The following MORF4L1 variants were observed in gnomAD, a reference collection of about 807,000 sequenced individuals.
The protein encoded by MORF4L1 is mortality factor 4 like 1, also known as mortality factor 4-like protein 1.
A neutral mutation model predicts 52.9 loss-of-function variants in MORF4L1; 4 were observed. The observed-to-expected ratio is 0.08, with a 90% CI of 0.04 to 0.17. The LOEUF (loss-of-function observed/expected upper bound fraction) is 0.17. MORF4L1 is among the 10% of genes least tolerant of loss of function. MORF4L1 has a pLI of 1.00. For synonymous variants in MORF4L1, 123 were observed against 134.8 expected, an observed-to-expected ratio of 0.91 and a Z score of 0.61; for missense variants, 214 against 390.4, an observed-to-expected ratio of 0.55 and a Z score of 3.81.
chr15:78,880,667 T>C (rs1596241692), intron 3 of MORF4L1, 88 bp downstream of exon 3: 1 of 943,696 alleles, frequency 1.1e-6, no homozygotes, highest in East Asian at 2.6e-5. Context: ...TTTTCAATTC[T>C]GCAGTTTTAA....
chr15:78,894,037 A>G, intron 9 of MORF4L1, 21 bp from the exon 10 acceptor site: 1 of 1,598,922 alleles, frequency 6.3e-7, no homozygotes, highest in Non-Finnish European at 8.5e-7. Context: ...CAGTTTTGGA[A>G]TATTTTTGTT....
intron 8 of MORF4L1, among the ~76,000 whole-genome samples, chr15:78,893,175 A>AG (rs1403189263): frequency 6.6e-6 from 1 of 152,258 alleles, no homozygotes; most frequent in African/African-American, 2.4e-5. Flanking sequence ...ATGACTTGGT[A>AG]GTACCACAAA....
chr15:78,896,354 C>G (rs978802481), intron 11 of MORF4L1, among the ~76,000 whole-genome samples: 6 of 127,000 alleles, frequency 4.7e-5, no homozygotes, highest in African/African-American at 1.8e-4. Context: ...CACGCTTGTC[C>G]ATGCTGGAGT....
chr15:78,873,244 G>T, intron 1 of MORF4L1, 187 bp downstream of exon 1: 6 of 1,506,120 alleles, frequency 4.0e-6, no homozygotes, highest in Non-Finnish European at 5.3e-6. Flanking sequence ...AAAGCGCTTT[G>T]TGAAGCGAGA....
At chr15:78,887,216 T>G (rs775418700) in intron 4 of MORF4L1, 53 bp from the exon 5 acceptor site, 75 of 1,486,066 alleles carry the variant, frequency 5.0e-5, no homozygotes, top group Admixed American at 1.3e-4. Context: ...TGACAATTTT[T>G]TTTTCACATA....
chr15:78,875,933 TG>T (rs2056479597), intron 1 of MORF4L1, among the ~76,000 whole-genome samples: 1 of 148,110 alleles, frequency 6.8e-6, no homozygotes, highest in African/African-American at 2.7e-5. Flanking sequence ...AGTGTTTTTT[TG>T]TTTTGTTTTG....
intron 3 of MORF4L1, 73 bp from the exon 4 acceptor site, chr15:78,886,068 G>A (rs896606131): frequency 2.8e-6 from 3 of 1,084,634 alleles, no homozygotes; most frequent in Non-Finnish European, 4.3e-6. Flanking sequence ...ATCCAGTCTT[G>A]CCTCTTGATC....
chr15:78,880,226 C>G (rs1036724693), intron 2 of MORF4L1, among the ~76,000 whole-genome samples: 6 of 152,208 alleles, frequency 3.9e-5, no homozygotes, highest in African/African-American at 1.4e-4. Flanking sequence ...GCTGATTAGA[C>G]TGAGAAGACA....
intron 5 of MORF4L1, among the ~76,000 whole-genome samples, chr15:78,889,318 G>T (rs746779578): frequency 1.3e-5 from 2 of 152,080 alleles, no homozygotes; most frequent in Non-Finnish European, 2.9e-5. Context: ...GAAGTGTTTC[G>T]GACCAGAAGC....
At chr15:78,891,830 T>C (rs566397364) in intron 7 of MORF4L1, 162 of 442,558 alleles carry the variant, frequency 3.7e-4, no homozygotes, top group Admixed American at 1.1e-3. Flanking sequence ...TGGTGTTACG[T>C]ATTTATTTTT....
chr15:78,890,495 T>G (rs924292617), intron 5 of MORF4L1: 1 of 152,262 alleles, frequency 6.6e-6, no homozygotes, highest in Non-Finnish European at 1.5e-5. Context: ...TTCTTTTTTT[T>G]TTGTCTTTGA....
intron 11 of MORF4L1, 96 bp from the exon 12 acceptor site, chr15:78,896,887 A>C: frequency 1.2e-6 from 1 of 862,868 alleles, no homozygotes; most frequent in Non-Finnish European, 1.9e-6. Context: ...ATTTTAGGAA[A>C]GTGTTTTCTG....
chr15:78,879,329 C>T (rs2056556690), intron 2 of MORF4L1, among the ~76,000 whole-genome samples: 1 of 151,808 alleles, frequency 6.6e-6, no homozygotes, highest in Non-Finnish European at 1.5e-5. Context: ...TGAAGCAATT[C>T]TCCTGCCTCA....
At chr15:78,876,282 AC>A (rs1376993385) in intron 1 of MORF4L1, among the ~76,000 whole-genome samples, 4 of 151,974 alleles carry the variant, frequency 2.6e-5, no homozygotes, top group South Asian at 4.1e-4. Context: ...TAAAAAAAAA[AC>A]AACTCGTAAA....
In MORF4L1 at chr15:78,874,583, C is replaced by CTTTT. The variant is rs56665378; in HGVS notation, c.40+1542_40+1545dup. Among the ~76,000 whole-genome samples the CTTTT allele has an allele frequency of 1.6e-3, 179 of 112,182 alleles. 1 individual carries two copies. The highest frequency in any genetic ancestry group is 5.6e-3 in the African/African-American group (162 of 29,030). The allele number at this position is 112,182 out of a possible 152,430, so 73.6% of individuals were successfully genotyped here. On this transcript the variant is annotated intron_variant, in intron 1 of 11. Coordinates refer to ENST00000426013, the MANE Select transcript of MORF4L1 (RefSeq NM_006791.4). ...TTTGTTTTTTCTTTTCTTTTTCTTT[C>CTTTT]TTTTTTTTTTTTTTTTTTTGTATTT...
At position 78,897,593 on chromosome 15, in the gene MORF4L1, G is replaced by GT. The variant is rs1227275211; in HGVS notation, c.*529dup. 6.5e-6 allele frequency: 1 copy of GT among 152,696 alleles called. No individual in the cohort carries two copies. Among genetic ancestry groups the GT allele is most frequent in the African/African-American group, 2.4e-5 (1 of 41,414 alleles). 9.5% of individuals were successfully genotyped at this position (152,696 alleles called of 1,614,324 possible). On this transcript the variant is annotated 3_prime_UTR_variant, in exon 12 of 12. Transcript: ENST00000426013. Reference sequence around the variant, plus strand: ...TCAAATTGTTGAAGAATGGTGGCTTGTTTCATGGTTTTTGTATTTGTGTCT... The same window carrying GT: ...TCAAATTGTTGAAGAATGGTGGCTTGTTTTCATGGTTTTTGTATTTGTGTCT...
intron 3 of MORF4L1, among the ~76,000 whole-genome samples, chr15:78,884,254 C>T (rs887230795): frequency 6.6e-6 from 1 of 151,690 alleles, no homozygotes; most frequent in Admixed American, 6.6e-5. Context: ...TGGCTCATGC[C>T]TGTAATCCCA....
At chr15:78,883,269 A>T (rs2056635646) in intron 3 of MORF4L1, among the ~76,000 whole-genome samples, 1 of 151,980 alleles carries the variant, frequency 6.6e-6, no homozygotes, top group Non-Finnish European at 1.5e-5. Context: ...ACGACAAGGG[A>T]ATAGAATAAA....
chr15:78,873,846 G>T (rs1455040820), intron 1 of MORF4L1: 1 of 152,288 alleles, frequency 6.6e-6, no homozygotes, highest in Non-Finnish European at 1.5e-5. Context: ...TAATGTGAGT[G>T]AGCTCTCGCT....
Sources: gnomAD v4.1 joint callset for allele counts (sites outside exome capture counted in the v4.1 genomes callset) on GRCh38, gnomAD v4.1.1 for gene constraint, MANE v1.5 for transcripts, NCBI Gene and HGNC (gene_info 2026-07-23, HGNC 2026-07-21) for gene names.